ZDHHC3: variants seen among roughly 807,000 people sequenced by gnomAD.
The protein encoded by ZDHHC3 is zDHHC palmitoyltransferase 3, also known as palmitoyltransferase ZDHHC3.
ZDHHC3 carries 9 observed loss-of-function variants against 30.6 expected under a neutral mutation model. That is an observed-to-expected ratio of 0.29 (90% CI 0.18 to 0.51). The LOEUF is 0.51. Among genes scored for constraint, ZDHHC3 ranks in the 20% least tolerant of loss-of-function variants. ZDHHC3 has a pLI of 0.97. For synonymous variants in ZDHHC3, 136 were observed against 140.2 expected, an observed-to-expected ratio of 0.97 and a Z score of 0.21; for missense variants, 246 against 384.2, an observed-to-expected ratio of 0.64 and a Z score of 3.01.
rs542664822 is a variant in ZDHHC3, at chr3:44,928,395, G to A, written c.741+911C>T. On this transcript the variant is annotated intron_variant, in intron 6 of 6. Coordinates refer to ENST00000424952, the MANE Select transcript of ZDHHC3 (RefSeq NM_001135179.2). Reference sequence around the variant, plus strand: ...GAGGATGTTGTCATCCTATGAGCCCGCTTCTAATGCTGACTACCCTGAGGC... The same window carrying A: ...GAGGATGTTGTCATCCTATGAGCCCACTTCTAATGCTGACTACCCTGAGGC... Among the ~76,000 whole-genome samples, 4 of 152,186 alleles carry A rather than the reference G, an allele frequency of 2.6e-5. 1 individual carries two copies. In the South Asian group the frequency reaches 6.2e-4, roughly 24 times the overall value.
rs1373135286 is a variant in ZDHHC3, at chr3:44,959,490, T to C, written c.-24-30A>G. 34 of 1,571,194 alleles carry C rather than the reference T, an allele frequency of 2.2e-5. No individual in the cohort carries two copies. The South Asian group carries it at 3.9e-4, about 18-fold the overall frequency. On this transcript the variant is annotated intron_variant, in intron 1 of 6. Coordinates refer to ENST00000424952, the MANE Select transcript of ZDHHC3 (RefSeq NM_001135179.2). The surrounding 1 kb of genome is among the most constrained non-coding windows in gnomAD (Gnocchi z 4.3). The stretch of plus-strand genomic sequence containing the variant: ...AAGAGAGAGGAAAGAATCCAGAAAC[T>C]TGGTGTTGTCTTGTCATCAAGGAGG...
At position 44,959,262 on chromosome 3, in the gene ZDHHC3, C is replaced by T; in HGVS notation, c.175G>A (p.Glu59Lys). 6.2e-7 allele frequency: 1 copy of T among 1,614,246 alleles called. No individual in the cohort carries two copies. Among genetic ancestry groups the T allele is most frequent in the South Asian group, 1.1e-5 (1 of 91,088 alleles). Residue 59 changes from glutamate to lysine, a missense_variant, in exon 2 of 7, where the codon GAG (glutamate) becomes AAG (lysine). Glu to Lys is a moderately conservative substitution (Grantham distance 56). Transcript: ENST00000424952. The surrounding 1 kb of genome is among the most constrained non-coding windows in gnomAD (Gnocchi z 4.3). Reference sequence around the variant, plus strand: ...AGCATGACAAAGAGGACCACGAACTCCGCATAGAGGACCAGAAACCAGGTA... The same window carrying T: ...AGCATGACAAAGAGGACCACGAACTTCGCATAGAGGACCAGAAACCAGGTA... ...IVTWFLVLYA[E>K]FVVLFVMLIP... is the part of the protein sequence containing the mutation.
chr3:44,939,458 G>A (rs1282448845), intron 3 of ZDHHC3, among the ~76,000 whole-genome samples: 1 of 152,212 alleles, frequency 6.6e-6, no homozygotes, highest in Non-Finnish European at 1.5e-5. Flanking sequence ...CCTGTTTCTG[G>A]CATGTTCTTC....
At chr3:44,964,736 A>G (rs1027470169) in intron 1 of ZDHHC3, among the ~76,000 whole-genome samples, 1 of 152,200 alleles carries the variant, frequency 6.6e-6, no homozygotes, top group African/African-American at 2.4e-5. Flanking sequence ...TTTTGGTGGT[A>G]TTAGGTTTTC....
chr3:44,965,993 A>G (rs1704920166), intron 1 of ZDHHC3, among the ~76,000 whole-genome samples: 1 of 152,252 alleles, frequency 6.6e-6, no homozygotes, highest in South Asian at 2.1e-4. Flanking sequence ...GGTACAAAGT[A>G]GCATCAACAA....
Position 44,976,019 on chromosome 3 carries a change from C to G in ZDHHC3, c.-111G>C. 2.6e-6 allele frequency: 1 copy of G among 388,912 alleles called. No individual in the cohort carries two copies. Among genetic ancestry groups the G allele is most frequent in the Non-Finnish European group, 4.6e-6 (1 of 219,636 alleles). The allele number at this position is 388,912 out of a possible 1,614,324, so 24.1% of individuals were successfully genotyped here. Reference sequence around the variant, plus strand: ...CTGCCTTCCCCTGCAGTCCCCAACCCGGGACCCGGCCTCGGGCTTCGGCGA... The same window carrying G: ...CTGCCTTCCCCTGCAGTCCCCAACCGGGGACCCGGCCTCGGGCTTCGGCGA... On this transcript the variant is annotated 5_prime_UTR_variant, in exon 1 of 7. Transcript: ENST00000424952.
chr3:44,963,468 A>T (rs753341018), intron 1 of ZDHHC3, among the ~76,000 whole-genome samples: 1 of 150,990 alleles, frequency 6.6e-6, no homozygotes, highest in Non-Finnish European at 1.5e-5. Context: ...TTTGTTCCTT[A>T]AATTAGCCAA....
chr3:44,966,184 G>A (rs1216547752), intron 1 of ZDHHC3, among the ~76,000 whole-genome samples: 2 of 152,154 alleles, frequency 1.3e-5, no homozygotes, highest in Non-Finnish European at 2.9e-5. Flanking sequence ...CTATAAAATC[G>A]AAACTCAATT....
intron 2 of ZDHHC3, among the ~76,000 whole-genome samples, chr3:44,948,085 T>C (rs1703107840): frequency 6.6e-6 from 1 of 152,180 alleles, no homozygotes. Context: ...ACCCATGAGA[T>C]ACCACAATCA....
intron 1 of ZDHHC3, among the ~76,000 whole-genome samples, chr3:44,969,315 C>CAGGG (rs1705215621): frequency 6.6e-6 from 1 of 152,150 alleles, no homozygotes; most frequent in Non-Finnish European, 1.5e-5. Context: ...CTGCCTCCAT[C>CAGGG]AGGGCACTGG....
Position 44,922,148 on chromosome 3 carries a change from C to T in ZDHHC3, c.*4541G>A. ...TGCTTCACTGTGAATTCTTTCTCTT[C>T]TATGAGGTGATCCTAAGCCAGATAC... On this transcript the variant is annotated 3_prime_UTR_variant, in exon 7 of 7. Transcript: ENST00000424952. 6.1e-6 allele frequency: 6 copies of T among 985,434 alleles called. No homozygotes were observed. Among genetic ancestry groups the T allele is most frequent in the Non-Finnish European group, 7.2e-6 (6 of 829,926 alleles). The allele number at this position is 985,434 out of a possible 1,614,324, so 61.0% of individuals were successfully genotyped here. A position where few individuals can be genotyped will look rare whatever the true frequency, so the allele number is the denominator to read the frequency against.
chr3:44,951,813 A>G (rs1575881719), intron 2 of ZDHHC3, among the ~76,000 whole-genome samples: 1 of 152,170 alleles, frequency 6.6e-6, no homozygotes, highest in East Asian at 1.9e-4. Flanking sequence ...GCCAAATCCA[A>G]AAGTCAATTC....
At position 44,918,922 on chromosome 3, in the gene ZDHHC3, C is replaced by T. The variant is rs1363271169; in HGVS notation, c.*7767G>A. On this transcript the variant is annotated 3_prime_UTR_variant, in exon 7 of 7. Transcript: ENST00000424952. ...GGCCCACAACACCCTGCACAGAGGC[C>T]TTTGACCCTCCACTGGGGGCACTGC... is the stretch of plus-strand genomic sequence containing the variant. The T allele has an allele frequency of 1.0e-6, 1 of 985,432 alleles. No individual in the cohort carries two copies. The highest frequency in any genetic ancestry group is 1.1e-4 in the East Asian group (1 of 8,818). 61.0% of individuals were successfully genotyped at this position (985,432 alleles called of 1,614,324 possible).
chr3:44,925,462 C>T lies in ZDHHC3; in HGVS notation c.*1227G>A, dbSNP rs1700905180. 2 of 985,354 alleles carry T rather than the reference C, an allele frequency of 2.0e-6. No homozygotes were observed. The highest frequency in any genetic ancestry group is 3.5e-5 in the African/African-American group (2 of 57,246). The allele number at this position is 985,354 out of a possible 1,614,324, so 61.0% of individuals were successfully genotyped here. ...TGGAGGGCACTCCCTACCTCCTTCA[C>T]CTCTATCCACCATCACCACCTCCTT... On this transcript the variant is annotated 3_prime_UTR_variant, in exon 7 of 7. Coordinates refer to ENST00000424952, the MANE Select transcript of ZDHHC3 (RefSeq NM_001135179.2).
chr3:44,954,854 A>G (rs1485283192), intron 2 of ZDHHC3, among the ~76,000 whole-genome samples: 1 of 152,076 alleles, frequency 6.6e-6, no homozygotes, highest in Non-Finnish European at 1.5e-5. Flanking sequence ...AGCTCAGAGA[A>G]TGAGGAATTT....
chr3:44,953,601 A>G (rs942659321), intron 2 of ZDHHC3, among the ~76,000 whole-genome samples: 1 of 152,240 alleles, frequency 6.6e-6, no homozygotes, highest in Non-Finnish European at 1.5e-5. Context: ...CAGTCTGGGT[A>G]GAAACTCCAA....
chr3:44,939,879 C>T (rs966902444), intron 3 of ZDHHC3, among the ~76,000 whole-genome samples: 10 of 152,168 alleles, frequency 6.6e-5, no homozygotes, highest in Non-Finnish European at 8.8e-5. Context: ...TGCTGGTCCC[C>T]GAGTTTCCTG....
At chr3:44,941,906 A>G (rs1702472418) in intron 3 of ZDHHC3, among the ~76,000 whole-genome samples, 1 of 152,372 alleles carries the variant, frequency 6.6e-6, no homozygotes, top group South Asian at 2.1e-4. Context: ...GCCAAATGCC[A>G]TGGCCATCCA....
Position 44,919,879 on chromosome 3 carries a change from TA to T in ZDHHC3, c.*6809del, listed in dbSNP as rs2125778923. On this transcript the variant is annotated 3_prime_UTR_variant, in exon 7 of 7. Coordinates refer to ENST00000424952, the MANE Select transcript of ZDHHC3 (RefSeq NM_001135179.2). Reference sequence around the variant, plus strand: ...TAATCAATAATCTGAGACAAAGATTTATGCAATACAAACTTGAACACTGAAT... The same window carrying T: ...TAATCAATAATCTGAGACAAAGATTTTGCAATACAAACTTGAACACTGAAT... The T allele has an allele frequency of 9.9e-7, 1 of 1,013,336 alleles. No individual in the cohort carries two copies. The highest frequency in any genetic ancestry group is 1.2e-6 in the Non-Finnish European group (1 of 844,970). The allele number at this position is 1,013,336 out of a possible 1,614,324, so 62.8% of individuals were successfully genotyped here.
Sources: allele counts gnomAD v4.1 joint callset (sites outside exome capture counted in the v4.1 genomes callset), GRCh38; gene constraint gnomAD v4.1.1; non-coding constraint Gnocchi (gnomAD v3.1); transcripts MANE v1.5; gene names NCBI Gene and HGNC (gene_info 2026-07-23, HGNC 2026-07-21).